Variants in HGFAC observed in about 807,000 individuals in gnomAD.
HGFAC encodes HGF activator.
Under a neutral mutation model 70.6 loss-of-function variants are expected in HGFAC, and 76 were observed. That is an observed-to-expected ratio of 1.08 (90% CI 0.89 to 1.30). The LOEUF is 1.30. Ranked by LOEUF, HGFAC falls within the 50% of genes most tolerant of loss-of-function variation. The pLI is 0.00. For missense variants in HGFAC, 1,044 were observed against 933.7 expected, an observed-to-expected ratio of 1.12 and a Z score of -1.54; for synonymous variants, 464 against 405.3, an observed-to-expected ratio of 1.14 and a Z score of -1.74.
At chr4:3,443,319 G>A in intron 3 of HGFAC, 22 bp from the exon 4 acceptor site, 1 of 1,537,918 alleles carries the variant, frequency 6.5e-7, no homozygotes, top group South Asian at 1.2e-5. Context: ...GGACCCCCAT[G>A]CACGCAGGTG....
intron 4 of HGFAC, 84 bp downstream of exon 4, chr4:3,443,504 G>C: frequency 4.7e-6 from 4 of 843,288 alleles, no homozygotes; most frequent in Non-Finnish European, 6.9e-6. Flanking sequence ...GGGCGGACCC[G>C]GGCAGGGGTC....
rs758329818 is a variant in HGFAC, at chr4:3,447,478, C to G, written c.1356-14C>G. 6.2e-7 allele frequency: 1 copy of G among 1,611,720 alleles called. No homozygotes were observed. The highest frequency in any genetic ancestry group is 8.5e-7 in the Non-Finnish European group (1 of 1,179,388). On this transcript the variant is annotated splice_polypyrimidine_tract_variant and intron_variant, in intron 10 of 13. Transcript: ENST00000382774. ...GAGGGCTGGTCCATGCAGCCTCCAG[C>G]CCCCCTTGCACAGCCCCCCCAGGGA...
chr4:3,448,157 G>GA lies in HGFAC; in HGVS notation c.1667dup (p.Ala557GlyfsTer15). 6.3e-7 allele frequency: 1 copy of GA among 1,598,400 alleles called. No homozygotes were observed. Among genetic ancestry groups the GA allele is most frequent in the Admixed American group, 1.7e-5 (1 of 58,464 alleles). On this transcript the variant is annotated frameshift_variant, in exon 13 of 14. Coordinates refer to ENST00000382774, the MANE Select transcript of HGFAC (RefSeq NM_001528.4). LOFTEE classifies it high-confidence loss of function. ...GAGCGGCTACTCCAGCTCCCTGCGG[G>GA]AGGCCCTGGTCCCCCTGGTCGCCGA...
Position 3,448,146 on chromosome 4 carries a change from G to A in HGFAC, c.1655G>A (p.Ser552Asn). Reference sequence around the variant, plus strand: ...CCCACAGACGTGAGCGGCTACTCCAGCTCCCTGCGGGAGGCCCTGGTCCCC... The same window carrying A: ...CCCACAGACGTGAGCGGCTACTCCAACTCCCTGCGGGAGGCCCTGGTCCCC... ...HLDENVSGYS[S>N]SLREALVPLV... The change falls in exon 13 of 14, where the codon AGC (serine) becomes AAC (asparagine). Residue 552 changes from serine (S) to asparagine (N), a missense_variant. Coordinates refer to ENST00000382774, the MANE Select transcript of HGFAC (RefSeq NM_001528.4). 1 of 1,595,324 alleles carries A rather than the reference G, an allele frequency of 6.3e-7. No individual in the cohort carries two copies.
At position 3,447,855 on chromosome 4, in the gene HGFAC, C is replaced by T. The variant is rs995249211; in HGVS notation, c.1496-40C>T. On this transcript the variant is annotated intron_variant, in intron 11 of 13. Coordinates refer to ENST00000382774, the MANE Select transcript of HGFAC (RefSeq NM_001528.4). ...GGGCCCCGACAGCCTCCCGTTCAGC[C>T]CGCACACCACAGGCTGACCCTGGCC... 3.1e-6 allele frequency: 5 copies of T among 1,598,408 alleles called. No individual in the cohort carries two copies. The African/African-American group carries it at 6.7e-5, about 21-fold the overall frequency.
Position 3,446,135 on chromosome 4 carries a change from A to G in HGFAC, c.1196A>G (p.Lys399Arg). 1 of 1,611,770 alleles carries G rather than the reference A, an allele frequency of 6.2e-7. No individual in the cohort carries two copies. Among genetic ancestry groups the G allele is most frequent in the Non-Finnish European group, 8.5e-7 (1 of 1,179,620 alleles). The part of the protein sequence containing the change: ...PGRQACGRRH[K>R]KRTFLRPRII... ...CGCCAGGCCTGCGGCAGGAGGCACA[A>G]GAAGAGGACGTTCCTGCGGCCACGT... The change falls in exon 10 of 14, where the codon AAG becomes AGG. Residue 399 changes from lysine (K) to arginine (R), a missense_variant. Transcript: ENST00000382774.
At position 3,444,874 on chromosome 4, in the gene HGFAC, C is replaced by T; in HGVS notation, c.897C>T (p.Ser299=). 5.6e-6 allele frequency: 9 copies of T among 1,607,526 alleles called. No individual in the cohort carries two copies. The highest frequency in any genetic ancestry group is 7.6e-6 in the Non-Finnish European group (9 of 1,177,800). The change falls in exon 8 of 14, where the codon AGC becomes AGT. Residue 299 remains serine, a synonymous_variant. Coordinates refer to ENST00000382774, the MANE Select transcript of HGFAC (RefSeq NM_001528.4). The part of the protein sequence containing the change: ...GNGTGYRGVA[S]TSASGLSCLA... Reference sequence around the variant, plus strand: ...GCACTGGGTACCGTGGCGTGGCCAGCACCTCAGCCTCGGGCCTCAGCTGCC... The same window carrying T: ...GCACTGGGTACCGTGGCGTGGCCAGTACCTCAGCCTCGGGCCTCAGCTGCC...
chr4:3,444,348 G>C lies in HGFAC; in HGVS notation c.636G>C (p.Glu212Asp). 1 of 1,598,898 alleles carries C rather than the reference G, an allele frequency of 6.3e-7. No individual in the cohort carries two copies. The highest frequency in any genetic ancestry group is 8.5e-7 in the Non-Finnish European group (1 of 1,173,956). The change falls in exon 6 of 14, where the codon GAG (glutamate) becomes GAC (aspartate). Residue 212 changes from glutamate to aspartate, a missense_variant. Transcript: ENST00000382774. The stretch of plus-strand genomic sequence containing the variant: ...ATGAGACCCGCTACGAGTACCTGGA[G>C]GGGGGCGACCGCTGGGCCCGCGTGC... ...CFDETRYEYLEGGDRWARVRQ... is the reference protein window; with the variant it reads ...CFDETRYEYLDGGDRWARVRQ...
At position 3,446,188 on chromosome 4, in the gene HGFAC, G is replaced by C. The variant is rs909661216; in HGVS notation, c.1249G>C (p.Gly417Arg). 10 of 1,611,032 alleles carry C rather than the reference G, an allele frequency of 6.2e-6. No homozygotes were observed. Among genetic ancestry groups the C allele is most frequent in the Non-Finnish European group, 8.5e-6 (10 of 1,179,450 alleles). ...CATCGGCGGCTCCTCCTCGCTGCCC[G>C]GCTCGCACCCCTGGCTGGCCGCCAT... ...RIIGGSSSLP[G>R]SHPWLAAIYI... The change falls in exon 10 of 14, where the codon GGC (glycine) becomes CGC (arginine). Residue 417 changes from glycine to arginine, a missense_variant. Gly to Arg is a moderately radical substitution (Grantham distance 125). Transcript: ENST00000382774.
Position 3,446,105 on chromosome 4 carries a change from C to G in HGFAC, c.1166C>G (p.Pro389Arg), listed in dbSNP as rs369524018. 1.9e-6 allele frequency: 3 copies of G among 1,610,430 alleles called. No homozygotes were observed. Among genetic ancestry groups the G allele is most frequent in the Admixed American group, 1.7e-5 (1 of 59,800 alleles). Residue 389 changes from proline to arginine, a missense_variant, in exon 10 of 14, where the codon CCG (proline) becomes CGG (arginine). Physicochemically the swap from Pro to Arg is moderately radical, Grantham distance 103 (BLOSUM62 -2). Coordinates refer to ENST00000382774, the MANE Select transcript of HGFAC (RefSeq NM_001528.4). ...GCGACCCTGCCTGAGCCAGCCTCCC[C>G]GGGGCGCCAGGCCTGCGGCAGGAGG... Reference protein sequence around the residue: ...LLATLPEPASPGRQACGRRHK... With the variant: ...LLATLPEPASRGRQACGRRHK...
chr4:3,446,376 T>C, intron 10 of HGFAC, 82 bp downstream of exon 10: 3 of 1,493,458 alleles, frequency 2.0e-6, no homozygotes, highest in Non-Finnish European at 2.7e-6. Context: ...CCCCACCCGC[T>C]TGCGGACCCC....
At chr4:3,446,372 C>A in intron 10 of HGFAC, 78 bp downstream of exon 10, 1 of 1,503,322 alleles carries the variant, frequency 6.7e-7, no homozygotes, top group Non-Finnish European at 8.9e-7. Flanking sequence ...CTGTCCCCAC[C>A]CGCTTGCGGA....
Position 3,444,985 on chromosome 4 carries a change from C to T in HGFAC, c.1008C>T (p.Ala336=), listed in dbSNP as rs774666825. The T allele has an allele frequency of 1.3e-6, 2 of 1,591,014 alleles. No homozygotes were observed. Among genetic ancestry groups the T allele is most frequent in the Admixed American group, 3.5e-5 (2 of 57,520 alleles). The change falls in exon 8 of 14, where the codon GCC becomes GCT. Residue 336 remains alanine, a synonymous_variant. Coordinates refer to ENST00000382774, the MANE Select transcript of HGFAC (RefSeq NM_001528.4). ...CCCTGCTGGGCCTGGGCCCCCATGCCTACTGCCGGTCAGCACCACGCCGCT... is the reference window on the plus strand; with the variant it reads ...CCCTGCTGGGCCTGGGCCCCCATGCTTACTGCCGGTCAGCACCACGCCGCT... ...AAALLGLGPH[A]YCRNPDNDER...
chr4:3,444,463 C>T (rs373237652), intron 6 of HGFAC, 21 bp downstream of exon 6: 14 of 1,571,088 alleles, frequency 8.9e-6, no homozygotes, highest in East Asian at 2.3e-5. Flanking sequence ...GGGTGTGAGC[C>T]GTGCCACTGA....
Position 3,443,999 on chromosome 4 carries a change from T to A in HGFAC, c.476-40T>A, listed in dbSNP as rs762781255. On this transcript the variant is annotated intron_variant, in intron 4 of 13. Transcript: ENST00000382774. ...GAATGTCACAGAGGGACCCTGAGCC[T>A]CCCAGTCCGCCCCTCACACCCCCTC... 5 of 1,536,030 alleles carry A rather than the reference T, an allele frequency of 3.3e-6. No homozygotes were observed. The Admixed American group carries it at 1.1e-4, about 33-fold the overall frequency.
upstream of HGFAC, chr4:3,441,789 G>A: frequency 2.0e-6 from 1 of 499,202 alleles, no homozygotes; most frequent in South Asian, 3.3e-5. This position sits in a 1 kb window ranked among gnomAD's most constrained non-coding sequence, Gnocchi z 6.0. Flanking sequence ...ACCAGTGCAG[G>A]CCGAGGCCAG....
At chr4:3,442,187 C>T in intron 1 of HGFAC, 69 bp downstream of exon 1, 1 of 1,256,620 alleles carries the variant, frequency 8.0e-7, no homozygotes, top group South Asian at 1.4e-5. Context: ...TGGGAGGAGG[C>T]CAGAGGGAGG....
At chr4:3,441,420 G>A (rs867604541), upstream of HGFAC, among the ~76,000 whole-genome samples, 14 of 152,154 alleles carry the variant, frequency 9.2e-5, no homozygotes, top group East Asian at 3.9e-4. The surrounding 1 kb of genome is among the most constrained non-coding windows in gnomAD (Gnocchi z 6.0). Context: ...CAGCCATTGC[G>A]TGGCCCCTCT....
In HGFAC at chr4:3,447,914, G is replaced by A. The variant is rs1725576017; in HGVS notation, c.1515G>A (p.Lys505=). ...DHDLVLIRLK[K]KGDRCATRSQ... ...GATCAGTCCTGATCCGGCTGAAGAA[G>A]AAAGGGGACCGCTGTGCCACACGCT... is the stretch of plus-strand genomic sequence containing the variant. Residue 505 remains lysine (K), a synonymous_variant, in exon 12 of 14, where the codon AAG becomes AAA. Coordinates refer to ENST00000382774, the MANE Select transcript of HGFAC (RefSeq NM_001528.4). 1 of 1,610,984 alleles carries A rather than the reference G, an allele frequency of 6.2e-7. No homozygotes were observed. The highest frequency in any genetic ancestry group is 1.3e-5 in the African/African-American group (1 of 74,908).
Sources: gnomAD v4.1 joint callset for allele counts (sites outside exome capture counted in the v4.1 genomes callset) on GRCh38, gnomAD v4.1.1 for gene constraint, Gnocchi (gnomAD v3.1) non-coding constraint, MANE v1.5 for transcripts, NCBI Gene and HGNC (gene_info 2026-07-23, HGNC 2026-07-21) for gene names.